PCSK9: variants seen among roughly 807,000 people sequenced by gnomAD.
PCSK9 encodes the protein proprotein convertase subtilisin/kexin type 9.
A neutral mutation model predicts 62.1 loss-of-function variants in PCSK9; 57 were observed. The ratio of observed to expected loss-of-function variants is 0.92; its 90% CI spans 0.74 to 1.14. The LOEUF (loss-of-function observed/expected upper bound fraction) is 1.14. PCSK9 is among the 50% of genes most tolerant of loss of function. PCSK9 has a pLI of 0.00. For missense variants in PCSK9, 870 were observed against 959.8 expected (o/e 0.91, Z 1.24); for synonymous variants, 387 against 409.4 (o/e 0.95, Z 0.66).
chr1:55,062,492 G>C (rs571159918), intron 11 of PCSK9, among the ~76,000 whole-genome samples: 62 of 152,310 alleles, frequency 4.1e-4, no homozygotes, highest in African/African-American at 1.4e-3. Flanking sequence ...AGTGGAGGAA[G>C]ACAGAAAACA....
rs148142685 is a variant in PCSK9, at chr1:55,054,801, C to G, written c.800-1192C>G. ...CGGGAGGATCATGAGGTCAGGACAT[C>G]GAGACCATCCTTGCTAACACGGTGA... On this transcript the variant is annotated intron_variant, in intron 5 of 11. Transcript: ENST00000302118. 6.4e-3 allele frequency among the ~76,000 whole-genome samples: 981 copies of G among 152,228 alleles called. 30 individuals carry two copies. Among genetic ancestry groups the G allele is most frequent in the East Asian group, 0.028 (144 of 5,156 alleles).
Position 55,056,062 on chromosome 1 carries a change from C to A in PCSK9, c.869C>A (p.Ala290Glu), listed in dbSNP as rs1354172136. Residue 290 changes from alanine (A) to glutamate (E), a missense_variant, in exon 6 of 12, where the codon GCG becomes GAG. Coordinates refer to ENST00000302118, the MANE Select transcript of PCSK9 (RefSeq NM_174936.4). The part of the protein sequence containing the change: ...VGPLVVLLPL[A>E]GGYSRVLNAA... ...CCACTGGTGGTGCTGCTGCCCCTGG[C>A]GGGTGGGTACAGCCGCGTCCTCAAC... 2.5e-6 allele frequency: 4 copies of A among 1,605,830 alleles called. No individual in the cohort carries two copies. Among genetic ancestry groups the A allele is most frequent in the African/African-American group, 2.7e-5 (2 of 74,766 alleles).
intron 1 of PCSK9, among the ~76,000 whole-genome samples, chr1:55,041,897 C>T (rs180837564): frequency 3.5e-4 from 53 of 152,120 alleles, no homozygotes; most frequent in African/African-American, 1.2e-3. Flanking sequence ...AACAAAGATA[C>T]AGAGCTGGGA....
chr1:55,057,202 A>T, intron 6 of PCSK9, 129 bp from the exon 7 acceptor site: 1 of 1,193,224 alleles, frequency 8.4e-7, no homozygotes, highest in Non-Finnish European at 1.2e-6. Context: ...TTTCCTTAGG[A>T]GGGGACATTT....
intron 2 of PCSK9, 63 bp downstream of exon 2, chr1:55,044,097 G>A: frequency 2.5e-6 from 4 of 1,574,594 alleles, no homozygotes; most frequent in Non-Finnish European, 3.5e-6. Context: ...TATACACTGG[G>A]GACTGTGCTT....
At position 55,046,237 on chromosome 1, in the gene PCSK9, C is replaced by G. The variant is rs531520310; in HGVS notation, c.400-286C>G. Among the ~76,000 whole-genome samples the G allele has an allele frequency of 4.6e-5, 7 of 152,370 alleles. No individual in the cohort carries two copies. The East Asian group carries it at 1.3e-3, about 29-fold the overall frequency. On this transcript the variant is annotated intron_variant, in intron 2 of 11. Transcript: ENST00000302118. ...GTCCATCCTGCCCAGAGCCTTGGCACAGCCTGGCTCCCAGACAAGATGTCA... is the reference window on the plus strand; with the variant it reads ...GTCCATCCTGCCCAGAGCCTTGGCAGAGCCTGGCTCCCAGACAAGATGTCA...
At chr1:55,058,756 C>T (rs920440002) in intron 9 of PCSK9, 109 bp downstream of exon 9, 1 of 1,535,808 alleles carries the variant, frequency 6.5e-7, no homozygotes, top group African/African-American at 1.4e-5. Flanking sequence ...CAAGCCCCTC[C>T]ATCCTCCAGA....
At chr1:55,043,772 G>A (rs1644613822) in intron 1 of PCSK9, 71 bp from the exon 2 acceptor site, 1 of 1,519,324 alleles carries the variant, frequency 6.6e-7, no homozygotes, top group African/African-American at 1.4e-5. Context: ...GTAAGTAGGG[G>A]TGAGATAAAG....
chr1:55,048,039 C>T (rs1178328680), intron 3 of PCSK9, among the ~76,000 whole-genome samples: 1 of 152,222 alleles, frequency 6.6e-6, no homozygotes, highest in African/African-American at 2.4e-5. Context: ...TTTCCTAGCA[C>T]TGCTGTGACA....
At position 55,058,545 on chromosome 1, in the gene PCSK9, T is replaced by A. The variant is rs1380003284; in HGVS notation, c.1401T>A (p.Pro467=). The A allele has an allele frequency of 6.2e-7, 1 of 1,612,162 alleles. No homozygotes were observed. The highest frequency in any genetic ancestry group is 1.7e-5 in the Admixed American group (1 of 60,022). The change falls in exon 9 of 12, where the codon CCT becomes CCA. Residue 467 remains proline (P), a synonymous_variant. Transcript: ENST00000302118. The part of the protein sequence containing the change: ...CRTVWSAHSG[P]TRMATAVARC... ...CTGTATGGTCAGCACACTCGGGGCCTACACGGATGGCCACAGCCGTCGCCC... is the reference window on the plus strand; with the variant it reads ...CTGTATGGTCAGCACACTCGGGGCCAACACGGATGGCCACAGCCGTCGCCC...
chr1:55,051,656 A>G (rs1165563594), intron 3 of PCSK9: 1 of 218,426 alleles, frequency 4.6e-6, no homozygotes, highest in Non-Finnish European at 9.2e-6. Flanking sequence ...TAGGGATGAT[A>G]AAGTGTAGGG....
At chr1:55,045,935 C>T (rs1644631235) in intron 2 of PCSK9, among the ~76,000 whole-genome samples, 1 of 127,324 alleles carries the variant, frequency 7.9e-6, no homozygotes, top group South Asian at 3.1e-4. Context: ...GTCTCGAACT[C>T]TCGACCTCAG....
intron 1 of PCSK9, 90 bp from the exon 2 acceptor site, chr1:55,043,753 T>C (rs1644613709): frequency 2.1e-6 from 3 of 1,428,258 alleles, no homozygotes; most frequent in Non-Finnish European, 2.9e-6. Context: ...GTCTCTTTTG[T>C]TGTAATTTGT....
rs1159593889 is a variant in PCSK9, at chr1:55,040,231, C to T, written c.207+187C>T. On this transcript the variant is annotated intron_variant, in intron 1 of 11. Coordinates refer to ENST00000302118, the MANE Select transcript of PCSK9 (RefSeq NM_174936.4). The surrounding 1 kb of genome is among the most constrained non-coding windows in gnomAD (Gnocchi z 4.1). ...GCGGGGGAGGACGGGTAGTGGGGAGCACGGTGGAGAGCGGGGACGGCCGGC... is the reference window on the plus strand; with the variant it reads ...GCGGGGGAGGACGGGTAGTGGGGAGTACGGTGGAGAGCGGGGACGGCCGGC... 1.3e-5 allele frequency among the ~76,000 whole-genome samples: 2 copies of T among 152,094 alleles called. No individual in the cohort carries two copies. Among genetic ancestry groups the T allele is most frequent in the Non-Finnish European group, 2.9e-5 (2 of 68,018 alleles).
intron 10 of PCSK9, among the ~76,000 whole-genome samples, chr1:55,060,006 G>T (rs1055176578): frequency 5.3e-5 from 8 of 152,208 alleles, no homozygotes; most frequent in Admixed American, 3.9e-4. Flanking sequence ...CCCCCGGCTG[G>T]GGCTGAAAGG....
rs768321924 is a variant in PCSK9, at chr1:55,040,038, CG to C, written c.202del (p.Ala68ProfsTer15). 1.3e-6 allele frequency: 2 copies of C among 1,564,346 alleles called. No homozygotes were observed. Among genetic ancestry groups the C allele is most frequent in the Admixed American group, 1.9e-5 (1 of 53,470 alleles). On this transcript the variant is annotated frameshift_variant, in exon 1 of 12. Coordinates refer to ENST00000302118, the MANE Select transcript of PCSK9 (RefSeq NM_174936.4). LOFTEE classifies it high-confidence loss of function. This position sits in a 1 kb window ranked among gnomAD's most constrained non-coding sequence, Gnocchi z 4.1. Reference protein sequence around the residue: ...HGTTATFHRCAKDPWRLPGTY... With the variant: ...HGTTATFHRCXKDPWRLPGTY... ...GAACCACAGCCACCTTCCACCGCTG[CG>C]CCAAGGTGCGGGTGTAGGGATGGGA...
chr1:55,046,370 A>G (rs556496428), intron 2 of PCSK9, among the ~76,000 whole-genome samples, 153 bp from the exon 3 acceptor site: 1 of 152,316 alleles, frequency 6.6e-6, no homozygotes, highest in East Asian at 1.9e-4. Context: ...TCAGGCTCCT[A>G]GTCTGTCCTC....
intron 9 of PCSK9, 114 bp downstream of exon 9, chr1:55,058,761 TC>T: frequency 6.5e-7 from 1 of 1,527,486 alleles, no homozygotes; most frequent in East Asian, 2.5e-5. Flanking sequence ...CCCTCCATCC[TC>T]CAGACTCCAG....
chr1:55,058,475 C>A (rs1401366966), intron 8 of PCSK9, 24 bp from the exon 9 acceptor site: 1 of 1,612,222 alleles, frequency 6.2e-7, no homozygotes, highest in South Asian at 1.1e-5. Flanking sequence ...AGCACCCCCT[C>A]CTCATCCCAG....
Sources: gnomAD v4.1 joint callset for allele counts (sites outside exome capture counted in the v4.1 genomes callset) on GRCh38, gnomAD v4.1.1 for gene constraint, Gnocchi (gnomAD v3.1) non-coding constraint, MANE v1.5 for transcripts, NCBI Gene and HGNC (gene_info 2026-07-23, HGNC 2026-07-21) for gene names.